Variants in SEMA6A observed in about 807,000 individuals in gnomAD.
SEMA6A encodes semaphorin-6A.
A neutral mutation model predicts 96.8 loss-of-function variants in SEMA6A; 25 were observed. The observed-to-expected ratio is 0.26, with a 90% CI of 0.19 to 0.36. The LOEUF (loss-of-function observed/expected upper bound fraction) is 0.36, where lower values mean the gene tolerates loss of function less well. SEMA6A is among the 10% of genes least tolerant of loss of function. The probability of loss-of-function intolerance (pLI) is 1.00; values close to 1 mark genes in which losing one functional copy is unlikely to be tolerated. For synonymous variants in SEMA6A, 612 were observed against 518.0 expected, an observed-to-expected ratio of 1.18 and a Z score of -2.46; for missense variants, 1,363 against 1,323.1, an observed-to-expected ratio of 1.03 and a Z score of -0.47.
At chr5:116,492,743 A>G (rs1245519023) in intron 6 of SEMA6A, among the ~76,000 whole-genome samples, 4 of 152,196 alleles carry the variant, frequency 2.6e-5, no homozygotes, top group Admixed American at 2.0e-4. Context: ...GCAGATACTG[A>G]AAATTTGTCA....
Position 116,446,696 on chromosome 5 carries a change from G to C in SEMA6A, c.3010C>G (p.Pro1004Ala), listed in dbSNP as rs779138289. The C allele has an allele frequency of 5.7e-6, 9 of 1,584,804 alleles. No individual in the cohort carries two copies. Among genetic ancestry groups the C allele is most frequent in the Non-Finnish European group, 6.9e-6 (8 of 1,164,668 alleles). Residue 1004 changes from proline (P) to alanine (A), a missense_variant, in exon 19 of 19, where the codon CCC becomes GCC. Pro to Ala is a conservative substitution (Grantham distance 27, BLOSUM62 -1). Coordinates refer to ENST00000343348, the MANE Select transcript of SEMA6A (RefSeq NM_020796.5). ...SLTRSGLKRT[P>A]SLKPDVPPKP... The stretch of plus-strand genomic sequence containing the variant: ...GGGGGTACGTCCGGCTTTAGCGAGG[G>C]CGTACGCTTCAGCCCCGACCTTGTC...
At chr5:116,488,649 A>C (rs1757179887) in intron 8 of SEMA6A, among the ~76,000 whole-genome samples, 1 of 152,212 alleles carries the variant, frequency 6.6e-6, no homozygotes, top group African/African-American at 2.4e-5. Flanking sequence ...AGAAAACATG[A>C]ATGTAATGTA....
chr5:116,493,044 G>A lies in SEMA6A; in HGVS notation c.445-1214C>T, dbSNP rs1419774165. Among the ~76,000 whole-genome samples the A allele has an allele frequency of 2.0e-5, 3 of 152,204 alleles. 1 individual carries two copies. Among genetic ancestry groups the A allele is most frequent in the African/African-American group, 7.2e-5 (3 of 41,460 alleles). On this transcript the variant is annotated intron_variant, in intron 6 of 18. Transcript: ENST00000343348. ...AGGCATATTGTTGGGAACTGAGCAT[G>A]AGCAACATCCCATCTGTGGCTTCTG... is the stretch of plus-strand genomic sequence containing the variant.
At chr5:116,480,928 C>A (rs1039256216) in intron 11 of SEMA6A, among the ~76,000 whole-genome samples, 2 of 152,112 alleles carry the variant, frequency 1.3e-5, no homozygotes, top group African/African-American at 4.8e-5. Flanking sequence ...ACAAGAAATT[C>A]TATGGTTTCA....
chr5:116,501,198 T>A (rs114076795), intron 3 of SEMA6A, among the ~76,000 whole-genome samples: 96 of 152,266 alleles, frequency 6.3e-4, no homozygotes, highest in African/African-American at 2.3e-3. Context: ...GGGACTTCAT[T>A]AAGGTAATCA....
chr5:116,475,350 TTA>T (rs968962161), intron 16 of SEMA6A, among the ~76,000 whole-genome samples, 193 bp downstream of exon 16: 6 of 152,192 alleles, frequency 3.9e-5, no homozygotes, highest in Admixed American at 6.5e-5. Flanking sequence ...GTGCCAGCAT[TTA>T]TAGTGACAAC....
intron 3 of SEMA6A, among the ~76,000 whole-genome samples, chr5:116,498,239 T>C (rs1369112882): frequency 1.3e-5 from 2 of 152,132 alleles, no homozygotes; most frequent in Non-Finnish European, 2.9e-5. Context: ...CATTTTCCCT[T>C]GAAATAACAT....
At chr5:116,461,161 C>G (rs75191864) in intron 18 of SEMA6A, among the ~76,000 whole-genome samples, 7 of 152,180 alleles carry the variant, frequency 4.6e-5, no homozygotes, top group Admixed American at 4.6e-4. Flanking sequence ...TGCCTTTCCT[C>G]TAACCTTCAA....
chr5:116,465,882 C>A (rs1001539643), intron 18 of SEMA6A, among the ~76,000 whole-genome samples: 1 of 152,046 alleles, frequency 6.6e-6, no homozygotes, highest in African/African-American at 2.4e-5. Context: ...GTTTTCTCTT[C>A]TTGAGAATAC....
chr5:116,496,080 A>T, intron 5 of SEMA6A, 171 bp downstream of exon 5: 1 of 582,196 alleles, frequency 1.7e-6, no homozygotes, highest in Non-Finnish European at 3.1e-6. Context: ...TCATCACATT[A>T]AAAGCAAACT....
At chr5:116,531,475 G>C (rs1759474394) in intron 1 of SEMA6A, among the ~76,000 whole-genome samples, 1 of 152,046 alleles carries the variant, frequency 6.6e-6, no homozygotes, top group Admixed American at 6.6e-5. Flanking sequence ...ACATTTCCCA[G>C]GACCTTCCTA....
chr5:116,540,135 A>T (rs1561526246), intron 1 of SEMA6A, among the ~76,000 whole-genome samples: 2 of 152,014 alleles, frequency 1.3e-5, no homozygotes, highest in African/African-American at 4.8e-5. Context: ...TCAGTCTGAT[A>T]TTTTTTCCAA....
chr5:116,459,747 T>G (rs1755256461), intron 18 of SEMA6A, among the ~76,000 whole-genome samples: 1 of 152,154 alleles, frequency 6.6e-6, no homozygotes, highest in Non-Finnish European at 1.5e-5. Flanking sequence ...CCTCTTTCCT[T>G]GACTTCCCTT....
chr5:116,496,339 T>C (rs769340150), intron 4 of SEMA6A, 26 bp from the exon 5 acceptor site: 2 of 1,605,772 alleles, frequency 1.2e-6, no homozygotes, highest in South Asian at 1.1e-5. Flanking sequence ...AAGAAATCAA[T>C]TAGAGCCCAG....
rs1754249743 is a variant in SEMA6A at position 116,446,903 on chromosome 5, T to C, written c.2803A>G (p.Lys935Glu). ...TTGGAGGAGTTAGTGTTGTTTCTTT[T>C]GAGAGTGGTGGCCTGGTGGCTTCTC... ...LTRSHQATTL[K>E]RNNTNSSNSS... The change falls in exon 19 of 19, where the codon AAA (lysine) becomes GAA (glutamate). Residue 935 changes from lysine to glutamate, a missense_variant. By Grantham distance (56) the Lys-to-Glu change is moderately conservative. Transcript: ENST00000343348. 6.2e-7 allele frequency: 1 copy of C among 1,613,966 alleles called. No homozygotes were observed. The highest frequency in any genetic ancestry group is 8.5e-7 in the Non-Finnish European group (1 of 1,179,890).
intron 1 of SEMA6A, among the ~76,000 whole-genome samples, chr5:116,571,245 A>G (rs1022212366): frequency 6.6e-6 from 1 of 152,150 alleles, no homozygotes; most frequent in African/African-American, 2.4e-5. Context: ...ATTTTTACCT[A>G]TTTAAGCTTA....
At chr5:116,561,022 A>G (rs1760800243) in intron 1 of SEMA6A, among the ~76,000 whole-genome samples, 1 of 152,192 alleles carries the variant, frequency 6.6e-6, no homozygotes, top group Non-Finnish European at 1.5e-5. Flanking sequence ...CAACACAGCT[A>G]TATGGAGGAG....
intron 1 of SEMA6A, among the ~76,000 whole-genome samples, chr5:116,542,115 T>A (rs1759998174): frequency 6.6e-6 from 1 of 152,188 alleles, no homozygotes; most frequent in African/African-American, 2.4e-5. Context: ...CCTCTTCATT[T>A]GAGATACAGA....
chr5:116,492,205 G>C (rs184423622), intron 6 of SEMA6A: 1 of 220,472 alleles, frequency 4.5e-6, no homozygotes, highest in South Asian at 7.3e-5. Flanking sequence ...GTGATGCAAC[G>C]GAAATGCCCT....
Sources: allele counts gnomAD v4.1 joint callset (sites outside exome capture counted in the v4.1 genomes callset), GRCh38; gene constraint gnomAD v4.1.1; transcripts MANE v1.5; gene names NCBI Gene and HGNC (gene_info 2026-07-23, HGNC 2026-07-21).